Variants in TUBA4B observed in about 807,000 individuals in gnomAD.
TUBA4B encodes the protein tubulin-like protein alpha-4B.
TUBA4B carries 13 observed loss-of-function variants against 18.4 expected under a neutral mutation model. The ratio of observed to expected loss-of-function variants is 0.71; its 90% confidence interval spans 0.46 to 1.12. The LOEUF (loss-of-function observed/expected upper bound fraction) is 1.12, where lower values mean the gene tolerates loss of function less well. Among genes scored for constraint, TUBA4B ranks in the 50% most tolerant of loss-of-function variants. The probability of loss-of-function intolerance (pLI) is 0.00; values close to 1 mark genes in which losing one functional copy is unlikely to be tolerated. For synonymous variants in TUBA4B, 101 were observed against 99.1 expected (o/e 1.02, Z -0.11); for missense variants, 244 against 250.0 (o/e 0.98, Z 0.16).
intron 1 of TUBA4B, among the ~76,000 whole-genome samples, chr2:219,255,103 T>G (rs960950866): frequency 3.3e-5 from 5 of 152,140 alleles, no homozygotes. Context: ...CAGGCTAGAG[T>G]GCAGTGGTGC....
chr2:219,268,410 C>A (rs887787154), intron 2 of TUBA4B, among the ~76,000 whole-genome samples: 2 of 152,108 alleles, frequency 1.3e-5, no homozygotes, highest in African/African-American at 2.4e-5. Context: ...TCATTACCTT[C>A]TCTTACTATG....
At position 219,253,428 on chromosome 2, in the gene TUBA4B, AC is replaced by A; in HGVS notation, c.12+13del. The A allele has an allele frequency of 6.6e-7, 1 of 1,509,282 alleles. No individual in the cohort carries two copies. The highest frequency in any genetic ancestry group is 1.7e-4 in the Middle Eastern group (1 of 5,936). 93.5% of individuals were successfully genotyped at this position (1,509,282 alleles called of 1,614,324 possible). Reference sequence around the variant, plus strand: ...GGGGGATGCGGCACCAGGTAACCTGACCCCTTCCACCTTCTAGCGCCAAGCA... The same window carrying A: ...GGGGGATGCGGCACCAGGTAACCTGACCCTTCCACCTTCTAGCGCCAAGCA... On this transcript the variant is annotated intron_variant, in intron 1 of 3. Coordinates refer to ENST00000490341, the MANE Select transcript of TUBA4B (RefSeq NM_001355221.1).
chr2:219,258,908 T>C (rs1375110971), intron 1 of TUBA4B, among the ~76,000 whole-genome samples: 1 of 152,012 alleles, frequency 6.6e-6, no homozygotes, highest in Non-Finnish European at 1.5e-5. Context: ...TATGATACCC[T>C]GGCCACTGTA....
rs536150011 is a variant in TUBA4B at position 219,271,100 on chromosome 2, G to A, written c.193-66G>A. ...CTTTTGGGAATTTAAAACAGCACAA[G>A]TTGGTTCTTTCCTGTCCATCAGCTG... On this transcript the variant is annotated intron_variant, in intron 3 of 3. Transcript: ENST00000490341. 7 of 641,056 alleles carry A rather than the reference G, an allele frequency of 1.1e-5. No homozygotes were observed. In the African/African-American group the frequency reaches 1.3e-4, roughly 12 times the overall value. The allele number at this position is 641,056 out of a possible 1,614,324, so 39.7% of individuals were successfully genotyped here. A position where few individuals can be genotyped will look rare whatever the true frequency, so the allele number is the denominator to read the frequency against.
At position 219,271,852 on chromosome 2, in the gene TUBA4B, A is replaced by G; in HGVS notation, c.*153A>G. ...GTGCCCCACAGGCTTTAAGGTTGAT[A>G]TCAATCACCAGCCTCCCACTGTGGT... is the stretch of plus-strand genomic sequence containing the variant. On this transcript the variant is annotated 3_prime_UTR_variant, in exon 4 of 4. Transcript: ENST00000490341. The G allele has an allele frequency of 6.6e-7, 1 of 1,521,698 alleles. No homozygotes were observed. The highest frequency in any genetic ancestry group is 1.1e-5 in the South Asian group (1 of 89,212). The allele number at this position is 1,521,698 out of a possible 1,614,324, so 94.3% of individuals were successfully genotyped here. A position where few individuals can be genotyped will look rare whatever the true frequency, so the allele number is the denominator to read the frequency against.
In TUBA4B at chr2:219,270,583, T is replaced by A. The variant is rs374050748; in HGVS notation, c.192+248T>A. 2.0e-5 allele frequency among the ~76,000 whole-genome samples: 3 copies of A among 151,872 alleles called. No homozygotes were observed. In the East Asian group the frequency reaches 5.8e-4, roughly 29 times the overall value. On this transcript the variant is annotated intron_variant, in intron 3 of 3. Coordinates refer to ENST00000490341, the MANE Select transcript of TUBA4B (RefSeq NM_001355221.1). The stretch of plus-strand genomic sequence containing the variant: ...GGCAGGGTGTCCATTAAGGCAAACA[T>A]GTTGATGGGCTGCCTGGCCAAGCTG...
At chr2:219,270,437 G>A (rs966810680) in intron 3 of TUBA4B, 102 bp downstream of exon 3, 9 of 662,296 alleles carry the variant, frequency 1.4e-5, no homozygotes, top group Non-Finnish European at 1.9e-5. Flanking sequence ...CAGCCTCTGG[G>A]AGAAACACAC....
Position 219,271,307 on chromosome 2 carries a change from C to T in TUBA4B, c.334C>T (p.Pro112Ser), listed in dbSNP as rs771343298. 3.0e-5 allele frequency: 48 copies of T among 1,587,810 alleles called. No individual in the cohort carries two copies. The highest frequency in any genetic ancestry group is 3.3e-4 in the Middle Eastern group (2 of 6,034). ...KKSKLGFSIY[P>S]APQVSTAMVQ... ...ATCCAAGCTGGGATTCTCCATCTACCCAGCCCCCCAGGTGTCTACAGCCAT... is the reference window on the plus strand; with the variant it reads ...ATCCAAGCTGGGATTCTCCATCTACTCAGCCCCCCAGGTGTCTACAGCCAT... The change falls in exon 4 of 4, where the codon CCA becomes TCA. Residue 112 changes from proline to serine, a missense_variant. Pro to Ser is a moderately conservative substitution (Grantham distance 74). Coordinates refer to ENST00000490341, the MANE Select transcript of TUBA4B (RefSeq NM_001355221.1).
intron 1 of TUBA4B, among the ~76,000 whole-genome samples, chr2:219,264,316 C>T (rs6436128): frequency 0.77 from 117,012 of 151,918 alleles, 48,006 homozygotes; most frequent in Non-Finnish European, 0.9. Context: ...AAAAATTAGC[C>T]AGGCGTGGTG....
intron 2 of TUBA4B, among the ~76,000 whole-genome samples, 181 bp downstream of exon 2, chr2:219,266,747 G>A (rs1243191967): frequency 1.3e-5 from 2 of 152,260 alleles, no homozygotes; most frequent in Middle Eastern, 3.4e-3. Context: ...GCAGGTGTGG[G>A]GGGCATCACA....
chr2:219,253,496 G>A (rs1162868330), intron 1 of TUBA4B, 77 bp downstream of exon 1: 8 of 1,216,390 alleles, frequency 6.6e-6, no homozygotes, highest in Non-Finnish European at 9.4e-6. Flanking sequence ...GGGGATGTAA[G>A]AGGGCAGCCA....
At chr2:219,256,836 A>G (rs1951723174) in intron 1 of TUBA4B, among the ~76,000 whole-genome samples, 1 of 152,162 alleles carries the variant, frequency 6.6e-6, no homozygotes, top group Admixed American at 6.5e-5. Context: ...AAAAAATAAA[A>G]ATTATAAAAT....
At chr2:219,263,609 T>C (rs1423717508) in intron 1 of TUBA4B, among the ~76,000 whole-genome samples, 1 of 152,246 alleles carries the variant, frequency 6.6e-6, no homozygotes, top group Admixed American at 6.5e-5. Flanking sequence ...TTGAGCCCAG[T>C]GGGCCCTCTG....
intron 1 of TUBA4B, among the ~76,000 whole-genome samples, chr2:219,253,683 A>G: frequency 6.6e-6 from 1 of 152,126 alleles, no homozygotes; most frequent in East Asian, 1.9e-4. Context: ...GGTGAACTAT[A>G]CGGCTCGGCC....
chr2:219,257,815 CAA>C (rs1321366133), intron 1 of TUBA4B, among the ~76,000 whole-genome samples: 1 of 143,280 alleles, frequency 7.0e-6, no homozygotes, highest in Non-Finnish European at 1.5e-5. Context: ...GAAACTGTCT[CAA>C]AAAAAAAATA....
At chr2:219,265,474 T>C (rs949636957) in intron 1 of TUBA4B, among the ~76,000 whole-genome samples, 5 of 152,040 alleles carry the variant, frequency 3.3e-5, no homozygotes, top group African/African-American at 1.2e-4. Flanking sequence ...GTGTCTCTAC[T>C]AAAAATATAA....
chr2:219,272,090 G>A lies in TUBA4B; in HGVS notation c.*391G>A, dbSNP rs894493462. On this transcript the variant is annotated 3_prime_UTR_variant, in exon 4 of 4. Transcript: ENST00000490341. The stretch of plus-strand genomic sequence containing the variant: ...CTGCCCTGGAGAAGGATTACAAGGA[G>A]GTGGGCATGGATAGTGTGGAGTGGG... 2.1e-4 allele frequency: 223 copies of A among 1,061,418 alleles called. 1 individual carries two copies. In the African/African-American group the frequency reaches 2.5e-3, roughly 12 times the overall value. The allele number at this position is 1,061,418 out of a possible 1,614,324, so 65.7% of individuals were successfully genotyped here. A position where few individuals can be genotyped will look rare whatever the true frequency, so the allele number is the denominator to read the frequency against.
intron 1 of TUBA4B, chr2:219,254,196 G>A (rs895171621): frequency 2.2e-5 from 6 of 270,244 alleles, no homozygotes; most frequent in Admixed American, 5.3e-5. Context: ...GAGATGCAGG[G>A]TGCTGTGGCA....
intron 1 of TUBA4B, among the ~76,000 whole-genome samples, chr2:219,259,756 C>T (rs1221767106): frequency 1.3e-5 from 2 of 152,158 alleles, no homozygotes; most frequent in African/African-American, 2.4e-5. Context: ...TGCACTGACT[C>T]CATCTGGGAG....
Sources: allele counts gnomAD v4.1 joint callset (sites outside exome capture counted in the v4.1 genomes callset), GRCh38; gene constraint gnomAD v4.1.1; transcripts MANE v1.5; gene names NCBI Gene and HGNC (gene_info 2026-07-23, HGNC 2026-07-21).